Variants in MANEA observed in about 807,000 individuals in gnomAD.
MANEA encodes glycoprotein endo-alpha-1,2-mannosidase.
A neutral mutation model predicts 36.8 loss-of-function variants in MANEA; 25 were observed. The observed-to-expected ratio is 0.68, with a 90% CI of 0.50 to 0.95. The LOEUF (loss-of-function observed/expected upper bound fraction) is 0.95. Ranked by LOEUF, MANEA falls within the 40% of genes least tolerant of loss-of-function variation. MANEA has a pLI of 0.00. For missense variants in MANEA, 565 were observed against 558.8 expected (o/e 1.01, Z -0.11); for synonymous variants, 198 against 188.5 (o/e 1.05, Z -0.41).
intron 1 of MANEA, 47 bp from the exon 2 acceptor site, chr6:95,586,355 A>G: frequency 9.1e-7 from 1 of 1,104,046 alleles, no homozygotes; most frequent in Non-Finnish European, 1.3e-6. Flanking sequence ...ATATTGGAAA[A>G]TACTGTTGAT....
intron 2 of MANEA, among the ~76,000 whole-genome samples, chr6:95,592,864 T>C (rs970982972): frequency 6.6e-6 from 1 of 152,206 alleles, no homozygotes; most frequent in African/African-American, 2.4e-5. Context: ...TCTCTAGGCC[T>C]ATCTGATTTT....
chr6:95,592,934 A>G (rs1263859444), intron 2 of MANEA, among the ~76,000 whole-genome samples: 1 of 152,208 alleles, frequency 6.6e-6, no homozygotes, highest in African/African-American at 2.4e-5. Context: ...AACAACAAAA[A>G]AAATTGACTA....
intron 1 of MANEA, among the ~76,000 whole-genome samples, chr6:95,579,184 C>T (rs1337492909): frequency 6.6e-6 from 1 of 152,148 alleles, no homozygotes; most frequent in Non-Finnish European, 1.5e-5. Context: ...TCCTGGCCAA[C>T]CAACATGGTG....
chr6:95,586,330 G>T, intron 1 of MANEA, 72 bp from the exon 2 acceptor site: 1 of 839,204 alleles, frequency 1.2e-6, no homozygotes, highest in South Asian at 1.8e-5. Context: ...ATGGATTTTA[G>T]TTTTCGTGTT....
chr6:95,596,898 G>A, intron 3 of MANEA, 52 bp downstream of exon 3: 1 of 845,688 alleles, frequency 1.2e-6, no homozygotes, highest in Non-Finnish European at 1.9e-6. Flanking sequence ...TTGGACAAGA[G>A]GAGAGTAATA....
Position 95,608,206 on chromosome 6 carries a change from A to G in MANEA, c.*1801A>G, listed in dbSNP as rs1769752090. ...CTTCTTATGTCCATTTAACTAGAAT[A>G]TATTATTTTAGGTATAATTTACAAA... On this transcript the variant is annotated 3_prime_UTR_variant, in exon 5 of 5. Coordinates refer to ENST00000358812, the MANE Select transcript of MANEA (RefSeq NM_024641.4). 6.6e-6 allele frequency: 1 copy of G among 151,904 alleles called. No homozygotes were observed. The allele number at this position is 151,904 out of a possible 1,614,324, so 9.4% of individuals were successfully genotyped here. A position where few individuals can be genotyped will look rare whatever the true frequency, so the allele number is the denominator to read the frequency against.
chr6:95,586,755 T>G lies in MANEA; in HGVS notation c.316T>G (p.Phe106Val). The change falls in exon 2 of 5, where the codon TTT becomes GTT. Residue 106 changes from phenylalanine to valine, a missense_variant. Phe to Val is a conservative substitution (Grantham distance 50). Coordinates refer to ENST00000358812, the MANE Select transcript of MANEA (RefSeq NM_024641.4). ...ACCTCTGAACAATTATCTACATGTA[T>G]TTTATTACAGTTGGTATGGAAATCC... The part of the protein sequence containing the change: ...LPPLNNYLHV[F>V]YYSWYGNPQF... 6.2e-7 allele frequency: 1 copy of G among 1,613,710 alleles called. No individual in the cohort carries two copies. Among genetic ancestry groups the G allele is most frequent in the Non-Finnish European group, 8.5e-7 (1 of 1,179,620 alleles).
intron 4 of MANEA, 27 bp downstream of exon 4, chr6:95,604,930 T>C (rs767183777): frequency 2.3e-6 from 2 of 852,960 alleles, no homozygotes; most frequent in Non-Finnish European, 1.8e-6. Context: ...TTTATAAATA[T>C]TGTTATATTA....
At chr6:95,582,363 T>G (rs531012340) in intron 1 of MANEA, among the ~76,000 whole-genome samples, 1 of 152,072 alleles carries the variant, frequency 6.6e-6, no homozygotes, top group South Asian at 2.1e-4. Flanking sequence ...TTTTGTATTT[T>G]TAGTAGAGAT....
chr6:95,580,971 T>C lies in MANEA; in HGVS notation c.-39+3333T>C, dbSNP rs1582217699. ...CATCTTTAATCATCATCATAAACAA[T>C]TGCTCATTTATTTAGTCTTATACTA... On this transcript the variant is annotated intron_variant, in intron 1 of 4. Coordinates refer to ENST00000358812, the MANE Select transcript of MANEA (RefSeq NM_024641.4). Among the ~76,000 whole-genome samples, 4 of 152,282 alleles carry C rather than the reference T, an allele frequency of 2.6e-5. No individual in the cohort carries two copies. The South Asian group carries it at 8.3e-4, about 32-fold the overall frequency.
chr6:95,579,974 C>T (rs937530957), intron 1 of MANEA, among the ~76,000 whole-genome samples: 2 of 152,152 alleles, frequency 1.3e-5, no homozygotes, highest in Non-Finnish European at 2.9e-5. Flanking sequence ...TCTATGGTGA[C>T]TTATAATACT....
chr6:95,605,838 G>C lies in MANEA; in HGVS notation c.822G>C (p.Lys274Asn), dbSNP rs1769697620. Reference sequence around the variant, plus strand: ...ATGTCTATGATTCCTATATTACCAAGCCTGAAAAATGGGCCAATCTGTTAA... The same window carrying C: ...ATGTCTATGATTCCTATATTACCAACCCTGAAAAATGGGCCAATCTGTTAA... ...MFYVYDSYIT[K>N]PEKWANLLTT... The change falls in exon 5 of 5, where the codon AAG becomes AAC. Residue 274 changes from lysine (K) to asparagine (N), a missense_variant. Coordinates refer to ENST00000358812, the MANE Select transcript of MANEA (RefSeq NM_024641.4). 6.2e-7 allele frequency: 1 copy of C among 1,613,788 alleles called. No homozygotes were observed. Among genetic ancestry groups the C allele is most frequent in the Non-Finnish European group, 8.5e-7 (1 of 1,179,816 alleles).
Position 95,604,061 on chromosome 6 carries a change from G to GGTGTGTGTGTGTGTGTGTGTGT in MANEA, c.655-753_655-732dup, listed in dbSNP as rs71012509. 8.4e-3 allele frequency among the ~76,000 whole-genome samples: 1,166 copies of GGTGTGTGTGTGTGTGTGTGTGT among 138,346 alleles called. 19 individuals carry two copies. Among genetic ancestry groups the GGTGTGTGTGTGTGTGTGTGTGT allele is most frequent in the Middle Eastern group, 0.019 (5 of 260 alleles). The allele number at this position is 138,346 out of a possible 152,430, so 90.8% of individuals were successfully genotyped here. A position where few individuals can be genotyped will look rare whatever the true frequency, so the allele number is the denominator to read the frequency against. ...GTATGTGTGCGTATATATGTATGTA[G>GGTGTGTGTGTGTGTGTGTGTGT]GTGTGTGTGTGTGTGTGTGTGTGTG... On this transcript the variant is annotated intron_variant, in intron 3 of 4. Transcript: ENST00000358812.
intron 1 of MANEA, among the ~76,000 whole-genome samples, chr6:95,580,496 C>T (rs563598850): frequency 3.1e-4 from 47 of 152,014 alleles, no homozygotes; most frequent in African/African-American, 1.1e-3. Flanking sequence ...GAGGCAGAGG[C>T]GGGTGGATCA....
intron 2 of MANEA, among the ~76,000 whole-genome samples, chr6:95,594,620 T>C (rs1410060473): frequency 6.6e-6 from 1 of 152,220 alleles, no homozygotes; most frequent in African/African-American, 2.4e-5. Flanking sequence ...TCTTTGATTG[T>C]ATACTATTTA....
rs914238636 is a variant in MANEA, at chr6:95,605,959, A to C, written c.943A>C (p.Ser315Arg). ...EEKHKYDILQ[S>R]GFDGIYTYFA... ...AAAACATAAGTATGATATTCTTCAA[A>C]GTGGTTTTGATGGAATTTACACATA... The change falls in exon 5 of 5, where the codon AGT becomes CGT. Residue 315 changes from serine to arginine, a missense_variant. Transcript: ENST00000358812. The C allele has an allele frequency of 6.2e-6, 10 of 1,613,854 alleles. No individual in the cohort carries two copies. The Admixed American group carries it at 8.3e-5, about 13-fold the overall frequency.
At chr6:95,579,915 A>G (rs1468941906) in intron 1 of MANEA, among the ~76,000 whole-genome samples, 2 of 152,214 alleles carry the variant, frequency 1.3e-5, no homozygotes, top group Non-Finnish European at 2.9e-5. Flanking sequence ...TACTTTGAGT[A>G]GGTCCCTGCC....
Position 95,608,666 on chromosome 6 carries a change from ATAAT to A in MANEA, c.*2264_*2267del, listed in dbSNP as rs1206126547. ...AGTTTTTTTCTCCCTTTTTAATAAA[ATAAT>A]TACAGTCATCCCTCAGTGTCTGTGG... On this transcript the variant is annotated 3_prime_UTR_variant, in exon 5 of 5. Coordinates refer to ENST00000358812, the MANE Select transcript of MANEA (RefSeq NM_024641.4). The A allele has an allele frequency of 6.6e-6, 1 of 151,832 alleles. No homozygotes were observed. Among genetic ancestry groups the A allele is most frequent in the African/African-American group, 2.4e-5 (1 of 41,410 alleles). The allele number at this position is 151,832 out of a possible 1,614,324, so 9.4% of individuals were successfully genotyped here.
At chr6:95,581,237 T>C (rs990462917) in intron 1 of MANEA, among the ~76,000 whole-genome samples, 7 of 152,164 alleles carry the variant, frequency 4.6e-5, no homozygotes, top group African/African-American at 9.7e-5. Flanking sequence ...GATGACTTAA[T>C]TGAGACATGG....
Sources: gnomAD v4.1 joint callset for allele counts (sites outside exome capture counted in the v4.1 genomes callset) on GRCh38, gnomAD v4.1.1 for gene constraint, MANE v1.5 for transcripts, NCBI Gene and HGNC (gene_info 2026-07-23, HGNC 2026-07-21) for gene names.